FAM20B: variants seen among roughly 807,000 people sequenced by gnomAD.
The protein encoded by FAM20B is FAM20B glycosaminoglycan xylosylkinase.
In FAM20B, 23 loss-of-function variants were observed where a neutral mutation model predicts 43.8. That is an observed-to-expected ratio of 0.53 (90% CI 0.38 to 0.74). The LOEUF (loss-of-function observed/expected upper bound fraction) is 0.74, where lower values mean the gene tolerates loss of function less well. Among genes scored for constraint, FAM20B ranks in the 30% least tolerant of loss-of-function variants. The probability of loss-of-function intolerance (pLI) is 0.00; values close to 1 mark genes in which losing one functional copy is unlikely to be tolerated. For synonymous variants in FAM20B, 178 were observed against 192.4 expected (o/e 0.93, Z 0.62); for missense variants, 440 against 510.5 (o/e 0.86, Z 1.33).
At chr1:179,056,314 A>T (rs113806290) in intron 4 of FAM20B, among the ~76,000 whole-genome samples, 1 of 152,090 alleles carries the variant, frequency 6.6e-6, no homozygotes, top group East Asian at 1.9e-4. Flanking sequence ...CCTCTCTCCA[A>T]TCCCCTTGCA....
chr1:179,050,107 T>C (rs1056787512), intron 2 of FAM20B, among the ~76,000 whole-genome samples, 172 bp from the exon 3 acceptor site: 2 of 152,218 alleles, frequency 1.3e-5, no homozygotes, highest in African/African-American at 4.8e-5. Context: ...CTCTACCTCA[T>C]CTTCATTCCA....
chr1:179,043,945 C>G lies in FAM20B; in HGVS notation c.98C>G (p.Ala33Gly), dbSNP rs1412528383. 2 of 1,614,048 alleles carry G rather than the reference C, an allele frequency of 1.2e-6. No individual in the cohort carries two copies. The highest frequency in any genetic ancestry group is 3.3e-5 in the Admixed American group (2 of 60,018). Residue 33 changes from alanine to glycine, a missense_variant, in exon 2 of 8, where the codon GCC becomes GGC. By Grantham distance (60) the Ala-to-Gly change is moderately conservative. Transcript: ENST00000263733. ...ATTGACAACTTAGATACATCAGCTGCCAACCGGGAGGACCAGAGGGCCTTT... is the reference window on the plus strand; with the variant it reads ...ATTGACAACTTAGATACATCAGCTGGCAACCGGGAGGACCAGAGGGCCTTT... Reference protein sequence around the residue: ...FLIDNLDTSAANREDQRAFHR... With the variant: ...FLIDNLDTSAGNREDQRAFHR...
At chr1:179,071,354 C>T (rs1651918562) in intron 7 of FAM20B, among the ~76,000 whole-genome samples, 1 of 152,048 alleles carries the variant, frequency 6.6e-6, no homozygotes, top group African/African-American at 2.4e-5. Context: ...ACTTCAGAAA[C>T]ACATGAGGAA....
chr1:179,022,345 G>A (rs979952566), upstream of FAM20B, among the ~76,000 whole-genome samples: 9 of 152,158 alleles, frequency 5.9e-5, no homozygotes, highest in African/African-American at 2.2e-4. Context: ...GGAACAGCGT[G>A]AGCTTTCCTA....
rs779892337 is a variant in FAM20B at position 179,054,573 on chromosome 1, T to C, written c.509T>C (p.Val170Ala). ...GCCCCCTTGGTAGTTGGCAGATTTG[T>C]TAATCTTCGGACAGAGATCAAACCT... is the stretch of plus-strand genomic sequence containing the variant. ...HRAPLVVGRF[V>A]NLRTEIKPVA... The change falls in exon 4 of 8, where the codon GTT (valine) becomes GCT (alanine). Residue 170 changes from valine (V) to alanine (A), a missense_variant. Transcript: ENST00000263733. 3.3e-5 allele frequency: 53 copies of C among 1,613,454 alleles called. No individual in the cohort carries two copies. Among genetic ancestry groups the C allele is most frequent in the Non-Finnish European group, 4.2e-5 (50 of 1,179,462 alleles).
At chr1:179,037,750 G>GT (rs1436644492) in intron 1 of FAM20B, among the ~76,000 whole-genome samples, 3 of 152,058 alleles carry the variant, frequency 2.0e-5, no homozygotes, top group African/African-American at 7.2e-5. Flanking sequence ...GCCTCCCAAA[G>GT]TGTTGGGATT....
At chr1:179,052,263 A>G (rs1306451178) in intron 3 of FAM20B, among the ~76,000 whole-genome samples, 1 of 152,160 alleles carries the variant, frequency 6.6e-6, no homozygotes, top group African/African-American at 2.4e-5. Context: ...AAGAGTATAA[A>G]CATTGTCAAT....
intron 4 of FAM20B, among the ~76,000 whole-genome samples, chr1:179,059,834 T>C (rs1651382139): frequency 2.0e-5 from 3 of 151,850 alleles, no homozygotes. Flanking sequence ...TAGCCGGGTG[T>C]GGTGGTGCAC....
upstream of FAM20B, among the ~76,000 whole-genome samples, chr1:179,024,110 A>G (rs1461510861): frequency 6.6e-6 from 1 of 152,158 alleles, no homozygotes; most frequent in Non-Finnish European, 1.5e-5. Context: ...CCCTGAACCC[A>G]TAGCTCTCCT....
chr1:179,040,935 C>T (rs1297488163), intron 1 of FAM20B, among the ~76,000 whole-genome samples: 8 of 148,232 alleles, frequency 5.4e-5, no homozygotes, highest in African/African-American at 1.8e-4. Flanking sequence ...ACCTCCCAGA[C>T]GGGGTCACGG....
chr1:179,055,233 A>G (rs1314553030), intron 4 of FAM20B, among the ~76,000 whole-genome samples: 1 of 152,202 alleles, frequency 6.6e-6, no homozygotes, highest in Non-Finnish European at 1.5e-5. Context: ...GATCTGAGCT[A>G]AAATTCTCAC....
chr1:179,017,960 G>A, the FAM20B span, among the ~76,000 whole-genome samples: 1 of 152,236 alleles, frequency 6.6e-6, no homozygotes, highest in East Asian at 1.9e-4. Flanking sequence ...AACTGCAGAC[G>A]TGTGAAAGAT....
intron 1 of FAM20B, among the ~76,000 whole-genome samples, chr1:179,033,303 C>G (rs946095422): frequency 5.3e-5 from 8 of 152,156 alleles, no homozygotes; most frequent in African/African-American, 1.9e-4. Flanking sequence ...AGTTGAGAAT[C>G]TATTTCTTCT....
Position 179,073,305 on chromosome 1 carries a change from C to CTTCTTTTTTTCTTTT in FAM20B, c.*1172_*1186dup, listed in dbSNP as rs1652004683. On this transcript the variant is annotated 3_prime_UTR_variant, in exon 8 of 8. Coordinates refer to ENST00000263733, the MANE Select transcript of FAM20B (RefSeq NM_014864.4). The stretch of plus-strand genomic sequence containing the variant: ...ATTGGAAACAAAGATTTTAAGCCTT[C>CTTCTTTTTTTCTTTT]TTCTTTTTTTCTTTTTTCTTTTTTT... 6.9e-6 allele frequency: 1 copy of CTTCTTTTTTTCTTTT among 145,770 alleles called. No homozygotes were observed. Among genetic ancestry groups the CTTCTTTTTTTCTTTT allele is most frequent in the Non-Finnish European group, 1.6e-5 (1 of 64,156 alleles). 9.0% of individuals were successfully genotyped at this position (145,770 alleles called of 1,614,324 possible).
At chr1:179,060,523 A>G (rs1651419173) in intron 4 of FAM20B, among the ~76,000 whole-genome samples, 1 of 152,162 alleles carries the variant, frequency 6.6e-6, no homozygotes, top group Non-Finnish European at 1.5e-5. Flanking sequence ...CACAAGCCCT[A>G]TTGTGAACTG....
intron 3 of FAM20B, among the ~76,000 whole-genome samples, chr1:179,054,051 C>T (rs1037939695): frequency 6.7e-6 from 1 of 148,992 alleles, no homozygotes; most frequent in African/African-American, 2.5e-5. Flanking sequence ...TTAGAGATAT[C>T]TTCAAATGTC....
chr1:179,071,418 CTTG>C (rs766948540), intron 7 of FAM20B, among the ~76,000 whole-genome samples: 2 of 152,194 alleles, frequency 1.3e-5, no homozygotes, highest in Non-Finnish European at 2.9e-5. Context: ...TAAGGATCCT[CTTG>C]TTAACACTGT....
upstream of FAM20B, chr1:179,025,885 C>CG (rs953351782): frequency 8.3e-4 from 19 of 22,858 alleles, no homozygotes; most frequent in South Asian, 2.2e-3. Context: ...GCCTCGGAGG[C>CG]GGGGGGGTGG....
intron 4 of FAM20B, among the ~76,000 whole-genome samples, chr1:179,061,642 C>G (rs1651470694): frequency 1.3e-5 from 2 of 152,134 alleles, no homozygotes; most frequent in African/African-American, 4.8e-5. Flanking sequence ...TTCCTGGGCT[C>G]AAGTGATCCT....
Sources: allele counts gnomAD v4.1 joint callset (sites outside exome capture counted in the v4.1 genomes callset), GRCh38; gene constraint gnomAD v4.1.1; transcripts MANE v1.5; gene names NCBI Gene and HGNC (gene_info 2026-07-23, HGNC 2026-07-21).